The following PTPRN2 variants were observed in gnomAD, a reference collection of about 807,000 sequenced individuals.
PTPRN2 encodes the protein protein tyrosine phosphatase receptor type N2.
PTPRN2 carries 74 observed loss-of-function variants against 118.8 expected under a neutral mutation model. The observed-to-expected ratio is 0.62, with a 90% CI of 0.52 to 0.76. The LOEUF (loss-of-function observed/expected upper bound fraction) is 0.76. PTPRN2 is among the 30% of genes least tolerant of loss of function. The pLI is 0.00. For synonymous variants in PTPRN2, 641 were observed against 608.0 expected (o/e 1.05, Z -0.80); for missense variants, 1,481 against 1,394.4 (o/e 1.06, Z -0.99).
chr7:158,440,787 G>A (rs2129433131), intron 2 of PTPRN2, among the ~76,000 whole-genome samples: 1 of 141,602 alleles, frequency 7.1e-6, no homozygotes. Context: ...TGGTGATGGT[G>A]ATGGGGGTGG....
In PTPRN2 at chr7:158,022,971, G is replaced by C. The variant is rs1356425910; in HGVS notation, c.1723+58327C>G. ...GGTCGCCCTGGTGAGTCTGAACTCT[G>C]TGCACTCCTGTTTAGTCCTCAATGG... On this transcript the variant is annotated intron_variant, in intron 11 of 22. Transcript: ENST00000389418. This position sits in a 1 kb window ranked among gnomAD's most constrained non-coding sequence, Gnocchi z 4.6. Among the ~76,000 whole-genome samples, 1 of 152,236 alleles carries C rather than the reference G, an allele frequency of 6.6e-6. No homozygotes were observed. Among genetic ancestry groups the C allele is most frequent in the Non-Finnish European group, 1.5e-5 (1 of 68,050 alleles).
At chr7:157,887,192 A>C (rs1796504010) in intron 12 of PTPRN2, among the ~76,000 whole-genome samples, 1 of 152,100 alleles carries the variant, frequency 6.6e-6, no homozygotes, top group African/African-American at 2.4e-5. Context: ...AGATGGGCTG[A>C]ATGCAGAGCT....
In PTPRN2 at chr7:158,144,838, AC is replaced by A. The variant is rs1483611403; in HGVS notation, c.911-6324del. On this transcript the variant is annotated intron_variant, in intron 6 of 22. Transcript: ENST00000389418. The stretch of plus-strand genomic sequence containing the variant: ...AGACAGGTGTGTCGACCCACCCTGA[AC>A]TTTGCAAAATGATGCTTATTCCCCT... 3.9e-5 allele frequency among the ~76,000 whole-genome samples: 6 copies of A among 152,168 alleles called. No homozygotes were observed. In the East Asian group the frequency reaches 1.2e-3, roughly 29 times the overall value.
chr7:157,989,632 C>T (rs1388104397), intron 11 of PTPRN2, among the ~76,000 whole-genome samples: 1 of 146,648 alleles, frequency 6.8e-6, no homozygotes, highest in Non-Finnish European at 1.5e-5. Flanking sequence ...TGGGTGCCTT[C>T]GTGGCTGCTT....
chr7:158,038,858 A>C (rs1002489449), intron 11 of PTPRN2, among the ~76,000 whole-genome samples: 1 of 151,838 alleles, frequency 6.6e-6, no homozygotes, highest in Non-Finnish European at 1.5e-5. Flanking sequence ...ACAAAAAAAA[A>C]CACAGCATGA....
intron 1 of PTPRN2, among the ~76,000 whole-genome samples, chr7:158,512,841 C>T (rs10807655): frequency 0.19 from 28,395 of 152,150 alleles, 3,129 homozygotes; most frequent in East Asian, 0.39. Flanking sequence ...TGTGAGGCCA[C>T]GGAACGGGCT....
At chr7:158,347,745 A>T (rs181715817) in intron 2 of PTPRN2, among the ~76,000 whole-genome samples, 1 of 152,162 alleles carries the variant, frequency 6.6e-6, no homozygotes, top group Non-Finnish European at 1.5e-5. Context: ...AACATGGGAT[A>T]CCTTCTATTT....
intron 13 of PTPRN2, among the ~76,000 whole-genome samples, chr7:157,680,088 A>G (rs1408613739): frequency 1.3e-5 from 2 of 152,192 alleles, no homozygotes; most frequent in East Asian, 1.9e-4. Context: ...GCCACCTACC[A>G]TTCTCTCTCT....
chr7:158,412,750 GCTCAGCACCCTC>G (rs1462159936), intron 2 of PTPRN2, among the ~76,000 whole-genome samples: 2 of 42,092 alleles, frequency 4.8e-5, no homozygotes, highest in East Asian at 7.8e-4. Context: ...CCAGGGCCCA[GCTCAGCACCCTC>G]CTCAGCACCA....
At position 158,570,578 on chromosome 7, in the gene PTPRN2, C is replaced by T. The variant is rs1586961170; in HGVS notation, c.112+16980G>A. On this transcript the variant is annotated intron_variant, in intron 1 of 22. Transcript: ENST00000389418. This position sits in a 1 kb window ranked among gnomAD's most constrained non-coding sequence, Gnocchi z 4.5. Reference sequence around the variant, plus strand: ...AAGCCTCTCCCTGTGTCCTCCGTGCCCCCCGAGTGGCCTGCTAGCCCGCTC... The same window carrying T: ...AAGCCTCTCCCTGTGTCCTCCGTGCTCCCCGAGTGGCCTGCTAGCCCGCTC... 6.6e-6 allele frequency among the ~76,000 whole-genome samples: 1 copy of T among 152,298 alleles called. No homozygotes were observed. Among genetic ancestry groups the T allele is most frequent in the East Asian group, 1.9e-4 (1 of 5,168 alleles).
intron 2 of PTPRN2, among the ~76,000 whole-genome samples, chr7:158,431,604 CCACACACTGGCTCGCACTGGG>C (rs1816193832): frequency 7.0e-6 from 1 of 142,628 alleles, no homozygotes; most frequent in Admixed American, 7.0e-5. Context: ...CTCACACTGG[CCACACACTGGCTCGCACTGGG>C]CACACACCAG....
chr7:158,450,025 T>TG (rs1317064290), intron 2 of PTPRN2, among the ~76,000 whole-genome samples: 2 of 152,182 alleles, frequency 1.3e-5, no homozygotes, highest in Non-Finnish European at 2.9e-5. Context: ...AAGTCTGGGA[T>TG]GGGGGTGCCA....
chr7:157,819,075 C>T lies in PTPRN2; in HGVS notation c.1788+79598G>A, dbSNP rs1352129506. ...ATTCTTCATTTCTGCCACTAAGCTG[C>T]CCTGTGGACACCACTGGCCCCAGCC... is the stretch of plus-strand genomic sequence containing the variant. On this transcript the variant is annotated intron_variant, in intron 12 of 22. Coordinates refer to ENST00000389418, the MANE Select transcript of PTPRN2 (RefSeq NM_002847.5). Among the ~76,000 whole-genome samples the T allele has an allele frequency of 2.0e-5, 3 of 152,178 alleles. No homozygotes were observed. In the East Asian group the frequency reaches 5.8e-4, roughly 29 times the overall value.
Position 157,869,187 on chromosome 7 carries a change from G to A in PTPRN2, c.1788+29486C>T, listed in dbSNP as rs1810904181. The A allele has an allele frequency of 2.0e-5, 3 of 152,100 alleles. No homozygotes were observed. Among genetic ancestry groups the A allele is most frequent in the African/African-American group, 7.2e-5 (3 of 41,400 alleles). 9.4% of individuals were successfully genotyped at this position (152,100 alleles called of 1,614,324 possible). A position where few individuals can be genotyped will look rare whatever the true frequency, so the allele number is the denominator to read the frequency against. Reference sequence around the variant, plus strand: ...TTCCTGATACCTCAACTTTGCCAGGGTCCTAAGCGTGTGCTTAGGTACTTG... The same window carrying A: ...TTCCTGATACCTCAACTTTGCCAGGATCCTAAGCGTGTGCTTAGGTACTTG... On this transcript the variant is annotated intron_variant, in intron 12 of 22. Transcript: ENST00000389418. The surrounding 1 kb of genome is among the most constrained non-coding windows in gnomAD (Gnocchi z 4.2).
rs995951571 is a variant in PTPRN2, at chr7:157,977,334, G to T, written c.1724-78597C>A. On this transcript the variant is annotated intron_variant, in intron 11 of 22. Coordinates refer to ENST00000389418, the MANE Select transcript of PTPRN2 (RefSeq NM_002847.5). This position sits in a 1 kb window ranked among gnomAD's most constrained non-coding sequence, Gnocchi z 4.6. ...AGGTGATTTCTGATCAGGGCTCTGA[G>T]CTCTGCGTCAAGTGGGAGGGGTTAA... is the stretch of plus-strand genomic sequence containing the variant. Among the ~76,000 whole-genome samples, 16 of 152,024 alleles carry T rather than the reference G, an allele frequency of 1.1e-4. No individual in the cohort carries two copies. Among genetic ancestry groups the T allele is most frequent in the African/African-American group, 3.1e-4 (13 of 41,534 alleles).
Position 157,901,697 on chromosome 7 carries a change from G to A in PTPRN2, c.1724-2960C>T, listed in dbSNP as rs547976136. Among the ~76,000 whole-genome samples, 100 of 152,100 alleles carry A rather than the reference G, an allele frequency of 6.6e-4. 2 individuals carry two copies. Among genetic ancestry groups the A allele is most frequent in the Admixed American group, 5.8e-3 (89 of 15,266 alleles). On this transcript the variant is annotated intron_variant, in intron 11 of 22. Coordinates refer to ENST00000389418, the MANE Select transcript of PTPRN2 (RefSeq NM_002847.5). ...CTGGCACAGTGCTTTGTTTACACCC[G>A]AAGTGGGGCCTTCCCGTCCGTGTTT...
At chr7:157,733,913 T>C (rs184137544) in intron 12 of PTPRN2, among the ~76,000 whole-genome samples, 2 of 37,144 alleles carry the variant, frequency 5.4e-5, no homozygotes, top group South Asian at 9.1e-4. Flanking sequence ...CCCTTTTCCG[T>C]CCCAGGCGCC....
In PTPRN2 at chr7:157,831,625, G is replaced by A. The variant is rs978531659; in HGVS notation, c.1788+67048C>T. ...CAGAGCCATCTCCACCTGTCAGAAC[G>A]AGCAGGAAGACATCCAACCCTTATT... On this transcript the variant is annotated intron_variant, in intron 12 of 22. Transcript: ENST00000389418. This position sits in a 1 kb window ranked among gnomAD's most constrained non-coding sequence, Gnocchi z 4.8. Among the ~76,000 whole-genome samples the A allele has an allele frequency of 1.2e-4, 19 of 152,156 alleles. No individual in the cohort carries two copies. The highest frequency in any genetic ancestry group is 2.7e-4 in the African/African-American group (11 of 41,440).
intron 9 of PTPRN2, among the ~76,000 whole-genome samples, chr7:158,132,421 C>A (rs567649375): frequency 1.7e-4 from 26 of 151,062 alleles, no homozygotes; most frequent in African/African-American, 6.1e-4. Flanking sequence ...CTACCCGACA[C>A]ACACTCATAC....
Sources: gnomAD v4.1 joint callset for allele counts (sites outside exome capture counted in the v4.1 genomes callset) on GRCh38, gnomAD v4.1.1 for gene constraint, Gnocchi (gnomAD v3.1) non-coding constraint, MANE v1.5 for transcripts, NCBI Gene and HGNC (gene_info 2026-07-23, HGNC 2026-07-21) for gene names.